The following TAF3 variants were observed in gnomAD, a reference collection of about 807,000 sequenced individuals.
TAF3 encodes the protein transcription initiation factor TFIID subunit 3.
Under a neutral mutation model 80.6 loss-of-function variants are expected in TAF3, and 7 were observed. The observed-to-expected ratio is 0.09, with a 90% CI of 0.05 to 0.16. The LOEUF (loss-of-function observed/expected upper bound fraction) is 0.16. Ranked by LOEUF, TAF3 falls within the 10% of genes least tolerant of loss-of-function variation. The pLI, the probability that TAF3 is intolerant of heterozygous loss-of-function variation, is 1.00. For synonymous variants in TAF3, 444 were observed against 446.1 expected (o/e 1.00, Z 0.06); for missense variants, 921 against 1,140.2 (o/e 0.81, Z 2.77).
chr10:7,954,475 C>T (rs1838115614), intron 2 of TAF3, among the ~76,000 whole-genome samples: 1 of 127,422 alleles, frequency 7.8e-6, no homozygotes, highest in African/African-American at 2.8e-5. Flanking sequence ...ATGAATTAGT[C>T]CCAGTTAACA....
chr10:7,865,494 CAAACAAACAAAG>C (rs911106929), intron 2 of TAF3, among the ~76,000 whole-genome samples: 25 of 145,772 alleles, frequency 1.7e-4, no homozygotes, highest in Admixed American at 2.1e-4. Flanking sequence ...AACAAACAAA[CAAACAAACAAAG>C]AAACAAACAG....
At chr10:7,883,715 C>T (rs895126707) in intron 2 of TAF3, among the ~76,000 whole-genome samples, 1 of 152,208 alleles carries the variant, frequency 6.6e-6, no homozygotes, top group South Asian at 2.1e-4. Context: ...TCCCCTCCTT[C>T]CCACTTATTT....
At chr10:7,937,386 G>A in intron 2 of TAF3, among the ~76,000 whole-genome samples, 1 of 152,162 alleles carries the variant, frequency 6.6e-6, no homozygotes, top group East Asian at 1.9e-4. Flanking sequence ...TCTAATAGGT[G>A]TGTAGTGGGA....
rs778575614 is a variant in TAF3, at chr10:7,964,898, C to T, written c.1388C>T (p.Ser463Leu). Residue 463 changes from serine to leucine, a missense_variant, in exon 3 of 7, where the codon TCA becomes TTA. Physicochemically the swap from Ser to Leu is moderately radical, Grantham distance 145. Around this residue, in one of 6 missense-constraint regions of TAF3, gnomAD observed 743 missense variants for 821.0 expected, o/e 0.90. Coordinates refer to ENST00000344293, the MANE Select transcript of TAF3 (RefSeq NM_031923.4). This position sits in a 1 kb window ranked among gnomAD's most constrained non-coding sequence, Gnocchi z 4.1. ...LSGGTSSSDN[S>L]WTMDASIDEV... is the part of the protein sequence containing the mutation. The stretch of plus-strand genomic sequence containing the variant: ...GGTGGAACCTCAAGTTCCGATAACT[C>T]ATGGACAATGGATGCCTCCATTGAT... 1.2e-6 allele frequency: 2 copies of T among 1,614,190 alleles called. No homozygotes were observed. Among genetic ancestry groups the T allele is most frequent in the Non-Finnish European group, 1.7e-6 (2 of 1,180,042 alleles).
intron 2 of TAF3, among the ~76,000 whole-genome samples, chr10:7,955,701 G>A (rs1838128171): frequency 6.6e-6 from 1 of 152,182 alleles, no homozygotes; most frequent in African/African-American, 2.4e-5. Context: ...ATTTATAGTA[G>A]CTTAGAATTA....
intron 4 of TAF3, among the ~76,000 whole-genome samples, chr10:7,994,821 A>C (rs1831871132): frequency 6.6e-6 from 1 of 151,248 alleles, no homozygotes; most frequent in Admixed American, 6.6e-5. Context: ...AAAAAAAAAA[A>C]AAAAATAGCT....
intron 4 of TAF3, among the ~76,000 whole-genome samples, chr10:8,000,921 C>T (rs1426381268): frequency 1.3e-5 from 2 of 152,088 alleles, no homozygotes; most frequent in Non-Finnish European, 2.9e-5. Flanking sequence ...TAGAAAAATT[C>T]CATCTTACAC....
At chr10:7,954,589 A>G (rs892524824) in intron 2 of TAF3, among the ~76,000 whole-genome samples, 2 of 138,672 alleles carry the variant, frequency 1.4e-5, no homozygotes, top group Middle Eastern at 3.9e-3. Context: ...AGTGCACTCC[A>G]TAGGTGAATG....
chr10:7,844,378 C>CT (rs370650612), intron 2 of TAF3, among the ~76,000 whole-genome samples: 13,467 of 134,236 alleles, frequency 0.1, 903 homozygotes, highest in South Asian at 0.18. Flanking sequence ...TCTTCTTGTT[C>CT]TTTTTTTTTT....
At chr10:7,853,723 G>A (rs571721591) in intron 2 of TAF3, among the ~76,000 whole-genome samples, 1 of 152,320 alleles carries the variant, frequency 6.6e-6, no homozygotes, top group Admixed American at 6.5e-5. Context: ...TATTATGGGT[G>A]ACTGCTTTGG....
At chr10:7,835,263 T>G (rs1369081490) in intron 2 of TAF3, among the ~76,000 whole-genome samples, 1 of 152,178 alleles carries the variant, frequency 6.6e-6, no homozygotes, top group East Asian at 1.9e-4. Flanking sequence ...TTAAGAAAGT[T>G]TACAACTTTG....
intron 2 of TAF3, among the ~76,000 whole-genome samples, chr10:7,889,659 C>T (rs772396408): frequency 2.0e-5 from 3 of 152,190 alleles, no homozygotes; most frequent in African/African-American, 4.8e-5. Context: ...CAAATTCCAC[C>T]TCTTAGTTAT....
intron 2 of TAF3, among the ~76,000 whole-genome samples, chr10:7,828,151 T>C (rs925347079): frequency 3.3e-5 from 5 of 152,200 alleles, no homozygotes. Flanking sequence ...GAAGATCGCT[T>C]GAGCCCAGGA....
intron 4 of TAF3, among the ~76,000 whole-genome samples, chr10:7,991,232 TATA>T (rs1831830684): frequency 6.6e-6 from 1 of 152,116 alleles, no homozygotes; most frequent in African/African-American, 2.4e-5. Flanking sequence ...TGCATGTATA[TATA>T]ATAAGTGTGT....
intron 4 of TAF3, among the ~76,000 whole-genome samples, chr10:7,981,531 T>C (rs1831725486): frequency 6.6e-6 from 1 of 152,262 alleles, no homozygotes; most frequent in African/African-American, 2.4e-5. Context: ...ATGGTAATTC[T>C]AAATTCCCTT....
intron 2 of TAF3, among the ~76,000 whole-genome samples, chr10:7,959,777 T>A (rs1275352920): frequency 1.3e-5 from 2 of 152,250 alleles, no homozygotes; most frequent in Non-Finnish European, 2.9e-5. Flanking sequence ...AGTTCTAATC[T>A]GATAGAATTG....
At chr10:7,855,462 A>G (rs1564348599) in intron 2 of TAF3, among the ~76,000 whole-genome samples, 2 of 152,250 alleles carry the variant, frequency 1.3e-5, no homozygotes, top group African/African-American at 2.4e-5. Flanking sequence ...GCCTCCTTCC[A>G]TTTGAGATGC....
chr10:7,858,312 T>C (rs1410282784), intron 2 of TAF3, among the ~76,000 whole-genome samples: 3 of 152,202 alleles, frequency 2.0e-5, no homozygotes, highest in African/African-American at 7.2e-5. Flanking sequence ...CAATTGCCAG[T>C]AATATTGTAT....
chr10:7,837,518 C>G (rs922454416), intron 2 of TAF3, among the ~76,000 whole-genome samples: 1 of 152,156 alleles, frequency 6.6e-6, no homozygotes, highest in Non-Finnish European at 1.5e-5. Flanking sequence ...TGGTGCGTGC[C>G]TGTAATCTCA....
Sources: allele counts gnomAD v4.1 joint callset (sites outside exome capture counted in the v4.1 genomes callset), GRCh38; gene constraint gnomAD v4.1.1; regional missense constraint gnomAD v4.1.1; non-coding constraint Gnocchi (gnomAD v3.1); transcripts MANE v1.5; gene names NCBI Gene and HGNC (gene_info 2026-07-23, HGNC 2026-07-21).